Variants in DST observed in about 807,000 individuals in gnomAD.
DST encodes the protein bullous pemphigoid antigen.
Under a neutral mutation model 875.2 loss-of-function variants are expected in DST, and 253 were observed. That is an observed-to-expected ratio of 0.29 (90% CI 0.26 to 0.32). DST has a LOEUF of 0.32. DST is among the 10% of genes least tolerant of loss of function. The probability of loss-of-function intolerance (pLI) is 1.00; values close to 1 mark genes in which losing one functional copy is unlikely to be tolerated. For synonymous variants in DST, 3,124 were observed against 3,197.1 expected, an observed-to-expected ratio of 0.98 and a Z score of 0.77; for missense variants, 8,287 against 9,111.6, an observed-to-expected ratio of 0.91 and a Z score of 3.68.
At chr6:56,491,772 G>C (rs2095754351) in intron 85 of DST, among the ~76,000 whole-genome samples, 1 of 152,194 alleles carries the variant, frequency 6.6e-6, no homozygotes. Context: ...TCAGAAAGCT[G>C]TCGGGAGGGC....
rs773770437 is a variant in DST at position 56,526,437 on chromosome 6, T to G, written c.18053A>C (p.Glu6018Ala). ...GGTGTCGCTCACTAATCGGTAGCGC[T>G]CATTGTCCTCAGCTACCATTTTCTC... ...GLEKMVAEDN[E>A]RYRLVSDTIT... is the part of the protein sequence containing the mutation. Residue 6018 changes from glutamate (E) to alanine (A), a missense_variant, in exon 69 of 104, where the codon GAG (glutamate) becomes GCG (alanine). Glu to Ala is a moderately radical substitution (Grantham distance 107). This residue lies in a region of DST where 777 missense variants were observed against 764.8 expected (regional missense o/e 1.02). Transcript: ENST00000680361. 6.2e-7 allele frequency: 1 copy of G among 1,613,866 alleles called. No individual in the cohort carries two copies. Among genetic ancestry groups the G allele is most frequent in the East Asian group, 2.2e-5 (1 of 44,882 alleles).
rs754222710 is a variant in DST, at chr6:56,553,567, T to G, written c.15225A>C (p.Thr5075=). 1.2e-6 allele frequency: 2 copies of G among 1,613,966 alleles called. No individual in the cohort carries two copies. Among genetic ancestry groups the G allele is most frequent in the Non-Finnish European group, 1.7e-6 (2 of 1,179,886 alleles). The change falls in exon 61 of 104, where the codon ACA becomes ACC. Residue 5075 remains threonine, a synonymous_variant. Transcript: ENST00000680361. ...MSRDFQAWLD[T]KKEEQNKSHP... ...GAGATTTGTTTTGCTCTTCTTTCTT[T>G]GTATCCAGCCAAGCCTGAAAATCTC...
chr6:56,564,877 A>T (rs892418104), intron 55 of DST, among the ~76,000 whole-genome samples: 2 of 152,130 alleles, frequency 1.3e-5, no homozygotes, highest in Non-Finnish European at 2.9e-5. Flanking sequence ...ACGTTTATTG[A>T]TTGGGTATGA....
At position 56,624,549 on chromosome 6, in the gene DST, T is replaced by C. The variant is rs1333710371; in HGVS notation, c.4910A>G (p.Lys1637Arg). 5 of 1,612,586 alleles carry C rather than the reference T, an allele frequency of 3.1e-6. No homozygotes were observed. The South Asian group carries it at 5.5e-5, about 18-fold the overall frequency. ...QYIKFAGDSL[K>R]RLEEEEKSLE... Reference sequence around the variant, plus strand: ...GATTACCTCCTCCTCTTCCAGCCTCTTCAATGAATCACCAGCAAATTTAAT... The same window carrying C: ...GATTACCTCCTCCTCTTCCAGCCTCCTCAATGAATCACCAGCAAATTTAAT... The change falls in exon 36 of 104, where the codon AAG becomes AGG. Residue 1637 changes from lysine to arginine, a missense_variant. Lys to Arg is a conservative substitution (Grantham distance 26). Coordinates refer to ENST00000680361, the MANE Select transcript of DST (RefSeq NM_001374736.1).
chr6:56,843,390 C>G, intron 4 of DST: 2 of 1,140,704 alleles, frequency 1.8e-6, no homozygotes, highest in Non-Finnish European at 2.1e-6. Context: ...TCCGGGAGCC[C>G]GAGTCCCTCT....
intron 55 of DST, 57 bp downstream of exon 55, chr6:56,568,412 T>A: frequency 6.5e-7 from 1 of 1,535,862 alleles, no homozygotes; most frequent in Non-Finnish European, 8.8e-7. Flanking sequence ...ATACACAAAA[T>A]TGACATGAGT....
At chr6:56,642,999 G>A (rs968970255) in intron 15 of DST, 18 of 1,233,328 alleles carry the variant, frequency 1.5e-5, no homozygotes, top group East Asian at 5.4e-5. Flanking sequence ...AAAGCCATTC[G>A]TTTGCTAGCT....
chr6:56,550,906 T>C (rs1377923965), intron 61 of DST, among the ~76,000 whole-genome samples: 2 of 152,188 alleles, frequency 1.3e-5, no homozygotes, highest in African/African-American at 4.8e-5. Flanking sequence ...ACTATGTTTT[T>C]CTAATAGAGG....
intron 75 of DST, 47 bp downstream of exon 75, chr6:56,508,482 T>C (rs750314545): frequency 1.4e-6 from 2 of 1,461,776 alleles, no homozygotes; most frequent in South Asian, 1.2e-5. Context: ...TGGATTTCAT[T>C]ATGCCACAAC....
intron 4 of DST, chr6:56,851,043 GCT>G: frequency 4.1e-6 from 1 of 246,610 alleles, no homozygotes; most frequent in Non-Finnish European, 7.9e-6. Flanking sequence ...CTCACTTCCA[GCT>G]TCCCGCAAAT....
At position 56,720,879 on chromosome 6, in the gene DST, G is replaced by A. The variant is rs550749379; in HGVS notation, c.687+14349C>T. ...AATGAGCTGTTTGGTACACCTCCCA[G>A]ACAGGGTGGCGGCCGGGCAGAGGGG... On this transcript the variant is annotated intron_variant, in intron 5 of 103. Transcript: ENST00000680361. Among the ~76,000 whole-genome samples the A allele has an allele frequency of 1.3e-4, 19 of 151,954 alleles. No individual in the cohort carries two copies. The South Asian group carries it at 1.5e-3, about 12-fold the overall frequency.
chr6:56,482,054 T>A lies in DST; in HGVS notation c.21527A>T (p.His7176Leu). 6.2e-7 allele frequency: 1 copy of A among 1,613,638 alleles called. No homozygotes were observed. Among genetic ancestry groups the A allele is most frequent in the Non-Finnish European group, 8.5e-7 (1 of 1,179,748 alleles). ...TAGCATTTATATATTACTCACTTTA[T>A]GCTGATCAATGAGAGTCCGGAGAGC... ...EDALRTLIDQ[H>L]KEFMKKLEEK... is the part of the protein sequence containing the mutation. Residue 7176 changes from histidine to leucine, a missense_variant, in exon 90 of 104, where the codon CAT becomes CTT. Physicochemically the swap from His to Leu is moderately conservative, Grantham distance 99 (BLOSUM62 -3). Coordinates refer to ENST00000680361, the MANE Select transcript of DST (RefSeq NM_001374736.1).
chr6:56,519,040 A>G (rs759743977), intron 69 of DST, among the ~76,000 whole-genome samples: 1 of 152,176 alleles, frequency 6.6e-6, no homozygotes, highest in Non-Finnish European at 1.5e-5. Flanking sequence ...TAAAACATAC[A>G]TAAGAAGATT....
At chr6:56,691,474 C>T (rs1481659742) in intron 9 of DST, among the ~76,000 whole-genome samples, 1 of 152,106 alleles carries the variant, frequency 6.6e-6, no homozygotes, top group East Asian at 1.9e-4. Flanking sequence ...ATGATCTCTG[C>T]TCATTGATAC....
In DST at chr6:56,634,380, C is replaced by T. The variant is rs1021432716; in HGVS notation, c.3494+82G>A. ...TCTAGAGACTTTTGATCCTGTGGGG[C>T]CTTGACAAAGTATTGATTGTTCCTT... On this transcript the variant is annotated intron_variant, in intron 26 of 103. Coordinates refer to ENST00000680361, the MANE Select transcript of DST (RefSeq NM_001374736.1). 7 of 1,606,056 alleles carry T rather than the reference C, an allele frequency of 4.4e-6. No homozygotes were observed. In the Admixed American group the frequency reaches 8.4e-5, roughly 19 times the overall value.
At chr6:56,676,695 A>T (rs942412808) in intron 9 of DST, among the ~76,000 whole-genome samples, 1 of 14,180 alleles carries the variant, frequency 7.1e-5, no homozygotes, top group African/African-American at 2.2e-3. Context: ...GATCAGCCTT[A>T]AAAAAAAAAA....
At chr6:56,767,641 A>C (rs1321869950) in intron 4 of DST, among the ~76,000 whole-genome samples, 1 of 151,740 alleles carries the variant, frequency 6.6e-6, no homozygotes, top group African/African-American at 2.4e-5. Context: ...AAATAAATAA[A>C]TAAATAAATA....
chr6:56,700,209 GT>G (rs946220783), intron 8 of DST, among the ~76,000 whole-genome samples: 19 of 152,268 alleles, frequency 1.2e-4, no homozygotes, highest in African/African-American at 4.3e-4. Context: ...AGGTGAAACA[GT>G]TTCATGCTGA....
intron 102 of DST, chr6:56,461,510 T>A (rs1403126808): frequency 6.6e-6 from 1 of 152,216 alleles, no homozygotes; most frequent in Non-Finnish European, 1.5e-5. Context: ...GGTGGCAGAA[T>A]TCATAACCGT....
Sources: allele counts gnomAD v4.1 joint callset (sites outside exome capture counted in the v4.1 genomes callset), GRCh38; gene constraint gnomAD v4.1.1; regional missense constraint gnomAD v4.1.1; transcripts MANE v1.5; gene names NCBI Gene and HGNC (gene_info 2026-07-23, HGNC 2026-07-21).